DDX10: variants seen among roughly 807,000 people sequenced by gnomAD.
DDX10 encodes the protein probable ATP-dependent RNA helicase DDX10.
Under a neutral mutation model 104.3 loss-of-function variants are expected in DDX10, and 74 were observed. That is an observed-to-expected ratio of 0.71 (90% CI 0.59 to 0.86). The LOEUF (loss-of-function observed/expected upper bound fraction) is 0.86. Among genes scored for constraint, DDX10 ranks in the 40% least tolerant of loss-of-function variants. DDX10 has a pLI of 0.00. For missense variants in DDX10, 952 were observed against 1,040.0 expected, an observed-to-expected ratio of 0.92 and a Z score of 1.16; for synonymous variants, 351 against 353.4, an observed-to-expected ratio of 0.99 and a Z score of 0.08.
At chr11:108,742,363 C>T (rs2094326253) in intron 13 of DDX10, among the ~76,000 whole-genome samples, 1 of 151,066 alleles carries the variant, frequency 6.6e-6, no homozygotes, top group Non-Finnish European at 1.5e-5. Context: ...GTGAGGAGTT[C>T]GAGACCAGCC....
In DDX10 at chr11:108,673,544, C is replaced by A; in HGVS notation, c.247+17C>A. 6.4e-7 allele frequency: 1 copy of A among 1,551,932 alleles called. No individual in the cohort carries two copies. Among genetic ancestry groups the A allele is most frequent in the South Asian group, 1.1e-5 (1 of 88,134 alleles). On this transcript the variant is annotated intron_variant, in intron 2 of 17. Transcript: ENST00000322536. ...CATTGAAAGGTAAGTATATGGTGAT[C>A]TTGGGATGTGTTATTGGATTTCTTG...
chr11:108,769,735 C>T (rs1186498734), intron 13 of DDX10, among the ~76,000 whole-genome samples: 1 of 152,086 alleles, frequency 6.6e-6, no homozygotes, highest in Non-Finnish European at 1.5e-5. Flanking sequence ...TTTATATTTG[C>T]TTACTCTTTT....
At chr11:108,873,773 A>G (rs1444088744) in intron 16 of DDX10, among the ~76,000 whole-genome samples, 1 of 152,168 alleles carries the variant, frequency 6.6e-6, no homozygotes, top group African/African-American at 2.4e-5. Flanking sequence ...ACATCCCTCA[A>G]ATGTTTTATT....
At chr11:108,757,752 C>G (rs1030141009) in intron 13 of DDX10, among the ~76,000 whole-genome samples, 2 of 151,978 alleles carry the variant, frequency 1.3e-5, no homozygotes, top group Non-Finnish European at 2.9e-5. Context: ...GTTTTTCTCC[C>G]AGTACTTGTT....
At chr11:108,707,665 A>C (rs2094278018) in intron 10 of DDX10, among the ~76,000 whole-genome samples, 1 of 152,194 alleles carries the variant, frequency 6.6e-6, no homozygotes. Flanking sequence ...GGTCAGGGAG[A>C]ATAAGGTGCT....
intron 16 of DDX10, among the ~76,000 whole-genome samples, chr11:108,864,855 G>A (rs117407872): frequency 2.0e-5 from 3 of 152,124 alleles, no homozygotes; most frequent in African/African-American, 7.2e-5. Context: ...AGATATGAGG[G>A]TAAATGTAAG....
Position 108,855,875 on chromosome 11 carries a change from A to G in DDX10, c.2304+3666A>G, listed in dbSNP as rs538435839. Among the ~76,000 whole-genome samples the G allele has an allele frequency of 2.6e-5, 4 of 152,356 alleles. No homozygotes were observed. In the South Asian group the frequency reaches 6.2e-4, roughly 24 times the overall value. On this transcript the variant is annotated intron_variant, in intron 16 of 17. Coordinates refer to ENST00000322536, the MANE Select transcript of DDX10 (RefSeq NM_004398.4). ...AAAATAGTTAAAAGTTGCTTTGACT[A>G]TATTAAAAATGATGATTATAGTTCG...
chr11:108,899,778 G>T (rs12292355), intron 16 of DDX10, among the ~76,000 whole-genome samples: 2 of 152,058 alleles, frequency 1.3e-5, no homozygotes, highest in Admixed American at 6.6e-5. Context: ...TGCTGTCCTC[G>T]CAATAGTGAG....
At chr11:108,760,506 T>C (rs528712516) in intron 13 of DDX10, among the ~76,000 whole-genome samples, 2 of 152,194 alleles carry the variant, frequency 1.3e-5, no homozygotes, top group African/African-American at 4.8e-5. Flanking sequence ...ATTCTCAACA[T>C]TGATCCTTCA....
intron 13 of DDX10, among the ~76,000 whole-genome samples, chr11:108,750,571 T>G (rs2094337227): frequency 6.6e-6 from 1 of 152,132 alleles, no homozygotes. Context: ...GGGGCCCTTC[T>G]TAGAGTAATG....
intron 9 of DDX10, among the ~76,000 whole-genome samples, chr11:108,699,062 A>C (rs76609347): frequency 2.0e-5 from 3 of 152,106 alleles, no homozygotes; most frequent in South Asian, 4.2e-4. Context: ...TTTACTTAGT[A>C]TATTTTTACA....
At chr11:108,877,120 C>A (rs1028513364) in intron 16 of DDX10, among the ~76,000 whole-genome samples, 4 of 152,104 alleles carry the variant, frequency 2.6e-5, no homozygotes, top group Admixed American at 6.5e-5. Flanking sequence ...AATATATAGC[C>A]CCCATTGTGA....
intron 16 of DDX10, among the ~76,000 whole-genome samples, chr11:108,898,191 G>T (rs1281118469): frequency 1.3e-5 from 2 of 152,114 alleles, no homozygotes; most frequent in Admixed American, 6.5e-5. Flanking sequence ...GCCCACCTAG[G>T]ATTGGACTTT....
chr11:108,672,062 GAAAAAA>G (rs55845865), intron 1 of DDX10, among the ~76,000 whole-genome samples: 13 of 68,636 alleles, frequency 1.9e-4, no homozygotes, highest in South Asian at 6.5e-4. Context: ...CTCCATCTCG[GAAAAAA>G]AAAAAAAAAA....
At chr11:108,673,624 T>C (rs1168346760) in intron 2 of DDX10, 97 bp downstream of exon 2, 2 of 842,348 alleles carry the variant, frequency 2.4e-6, no homozygotes, top group East Asian at 2.6e-5. Flanking sequence ...AAATCTTATT[T>C]TGGCAAATTT....
At chr11:108,763,995 A>G (rs2094353679) in intron 13 of DDX10, among the ~76,000 whole-genome samples, 1 of 152,192 alleles carries the variant, frequency 6.6e-6, no homozygotes, top group African/African-American at 2.4e-5. Context: ...GGCCAAGTGA[A>G]TAAAATAATG....
At chr11:108,672,812 T>C (rs1256389396) in intron 1 of DDX10, among the ~76,000 whole-genome samples, 1 of 152,240 alleles carries the variant, frequency 6.6e-6, no homozygotes, top group Non-Finnish European at 1.5e-5. Flanking sequence ...TTTGTGCTAA[T>C]AAAGAACATC....
chr11:108,670,282 A>G (rs2094215290), intron 1 of DDX10, among the ~76,000 whole-genome samples: 1 of 152,082 alleles, frequency 6.6e-6, no homozygotes. Flanking sequence ...TTTAGGGGTT[A>G]CAGGCACAGG....
At chr11:108,776,257 G>A (rs1052823648) in intron 13 of DDX10, among the ~76,000 whole-genome samples, 2 of 152,018 alleles carry the variant, frequency 1.3e-5, no homozygotes, top group African/African-American at 2.4e-5. Context: ...TTCTTTCTTC[G>A]AACTGTTATT....
Sources: gnomAD v4.1 joint callset for allele counts (sites outside exome capture counted in the v4.1 genomes callset) on GRCh38, gnomAD v4.1.1 for gene constraint, MANE v1.5 for transcripts, NCBI Gene and HGNC (gene_info 2026-07-23, HGNC 2026-07-21) for gene names.